Variants in EFHB observed in about 807,000 individuals in gnomAD.
The protein encoded by EFHB is EF-hand domain family member B.
A neutral mutation model predicts 87.2 loss-of-function variants in EFHB; 91 were observed. The observed-to-expected ratio is 1.04, with a 90% CI of 0.88 to 1.24. The LOEUF (loss-of-function observed/expected upper bound fraction) is 1.24. Among genes scored for constraint, EFHB ranks in the 50% most tolerant of loss-of-function variants. The pLI is 0.00. For missense variants in EFHB, 1,084 were observed against 998.8 expected, an observed-to-expected ratio of 1.09 and a Z score of -1.15; for synonymous variants, 325 against 333.6, an observed-to-expected ratio of 0.97 and a Z score of 0.28.
chr3:19,899,279 C>A (rs769756358), intron 7 of EFHB, among the ~76,000 whole-genome samples, 153 bp downstream of exon 7: 2 of 152,172 alleles, frequency 1.3e-5, no homozygotes, highest in Non-Finnish European at 2.9e-5. Context: ...ATCCCAAATT[C>A]TATAGATATT....
intron 1 of EFHB, among the ~76,000 whole-genome samples, chr3:19,924,447 C>G (rs139419469): frequency 2.0e-5 from 3 of 152,088 alleles, no homozygotes; most frequent in Non-Finnish European, 4.4e-5. Flanking sequence ...CTCCTGACCT[C>G]GTGATCCTCC....
intron 1 of EFHB, among the ~76,000 whole-genome samples, chr3:19,925,297 G>A (rs920715412): frequency 8.0e-5 from 12 of 149,824 alleles, no homozygotes; most frequent in East Asian, 3.9e-4. Context: ...AAACACCCCC[G>A]CACACTTGCA....
chr3:19,908,602 A>AGAGAGAGAGAGAGAGAGAGAGAGAGAG (rs1559459816), intron 5 of EFHB, among the ~76,000 whole-genome samples: 18 of 77,364 alleles, frequency 2.3e-4, no homozygotes, highest in African/African-American at 3.5e-4. Flanking sequence ...GAGAGAGAGA[A>AGAGAGAGAGAGAGAGAGAGAGAGAGAG]AGAAAGAAAG....
At chr3:19,904,410 C>T (rs1694771496) in intron 6 of EFHB, among the ~76,000 whole-genome samples, 2 of 152,122 alleles carry the variant, frequency 1.3e-5, no homozygotes, top group Admixed American at 6.5e-5. Context: ...TGCTATGTTG[C>T]CCAGGCTGGC....
At chr3:19,934,455 C>CCT (rs1325216463), upstream of EFHB, among the ~76,000 whole-genome samples, 1 of 149,648 alleles carries the variant, frequency 6.7e-6, no homozygotes, top group East Asian at 2.1e-4. Context: ...CTCTCCCTCT[C>CCT]TGTGTGTCTC....
upstream of EFHB, among the ~76,000 whole-genome samples, chr3:19,934,702 T>C (rs920783414): frequency 2.6e-5 from 4 of 152,158 alleles, no homozygotes; most frequent in Admixed American, 6.6e-5. Context: ...TTAATGTTGG[T>C]GATGATGAAC....
In EFHB at chr3:19,933,890, G is replaced by C. The variant is rs777235581; in HGVS notation, c.129C>G (p.Cys43Trp). ...RVGLGKEDSRCGESPVVSNKC... is the reference protein window; with the variant it reads ...RVGLGKEDSRWGESPVVSNKC... ...TATTACTAACCACAGGGCTCTCCCC[G>C]CATCGGGAATCTTCTTTTCCTAATC... The change falls in exon 1 of 13, where the codon TGC becomes TGG. Residue 43 changes from cysteine (C) to tryptophan (W), a missense_variant. Physicochemically the swap from Cys to Trp is radical, Grantham distance 215. Transcript: ENST00000295824. 1 of 1,613,764 alleles carries C rather than the reference G, an allele frequency of 6.2e-7. No homozygotes were observed. Among genetic ancestry groups the C allele is most frequent in the South Asian group, 1.1e-5 (1 of 91,050 alleles).
At chr3:19,883,379 G>A (rs141248369) in intron 11 of EFHB, among the ~76,000 whole-genome samples, 4 of 152,118 alleles carry the variant, frequency 2.6e-5, no homozygotes, top group African/African-American at 7.2e-5. Flanking sequence ...ACAGTCTAAC[G>A]AGAGTAACAA....
intron 9 of EFHB, among the ~76,000 whole-genome samples, chr3:19,889,892 C>T (rs934229106): frequency 5.3e-5 from 8 of 152,288 alleles, no homozygotes; most frequent in Admixed American, 4.6e-4. Flanking sequence ...GAGGCTGAGG[C>T]AGGAGAATCG....
At chr3:19,946,379 A>G (rs1471445379) in intron 1 of EFHB, 1 of 152,278 alleles carries the variant, frequency 6.6e-6, no homozygotes. Context: ...ACGATTAACA[A>G]GTTAGTTTCA....
At chr3:19,926,531 T>C (rs1175808031) in intron 1 of EFHB, among the ~76,000 whole-genome samples, 1 of 149,448 alleles carries the variant, frequency 6.7e-6, no homozygotes, top group East Asian at 2.0e-4. Context: ...ACCTGGCTAA[T>C]TTTTTGTATT....
intron 5 of EFHB, among the ~76,000 whole-genome samples, chr3:19,908,113 T>G (rs999696812): frequency 1.3e-5 from 2 of 152,126 alleles, no homozygotes; most frequent in Non-Finnish European, 2.9e-5. Context: ...ATGTAGATAC[T>G]GACATGAAAA....
chr3:19,926,265 C>T (rs1039161538), intron 1 of EFHB, among the ~76,000 whole-genome samples: 1 of 152,108 alleles, frequency 6.6e-6, no homozygotes, highest in African/African-American at 2.4e-5. Flanking sequence ...TCCTTGAATG[C>T]AGGTAGTATG....
upstream of EFHB, among the ~76,000 whole-genome samples, chr3:19,938,887 T>C (rs554360816): frequency 6.6e-6 from 1 of 152,242 alleles, no homozygotes; most frequent in African/African-American, 2.4e-5. Context: ...CACACTGGGC[T>C]ATTTTATGAC....
intron 10 of EFHB, among the ~76,000 whole-genome samples, chr3:19,884,915 T>TA (rs1306907125): frequency 0.1 from 14,235 of 139,474 alleles, 828 homozygotes; most frequent in Middle Eastern, 0.15. Flanking sequence ...TTTCTTTTCT[T>TA]AAAAAAAAAA....
intron 5 of EFHB, among the ~76,000 whole-genome samples, chr3:19,907,400 A>C (rs1694875509): frequency 6.6e-6 from 1 of 152,202 alleles, no homozygotes; most frequent in Non-Finnish European, 1.5e-5. Flanking sequence ...TGGGAAAAAG[A>C]GATATCAATG....
chr3:19,883,412 T>G (rs2071730584), intron 11 of EFHB, among the ~76,000 whole-genome samples: 2 of 152,234 alleles, frequency 1.3e-5, no homozygotes, highest in Non-Finnish European at 2.9e-5. Context: ...CTAGAATGTA[T>G]AGCATGTCTA....
intron 6 of EFHB, among the ~76,000 whole-genome samples, chr3:19,902,480 A>C (rs1694705866): frequency 6.6e-6 from 1 of 151,942 alleles, no homozygotes; most frequent in South Asian, 2.1e-4. Context: ...TCAGCCTCCC[A>C]AGTAGCTGGG....
intron 5 of EFHB, among the ~76,000 whole-genome samples, chr3:19,909,938 G>A (rs1694999016): frequency 6.6e-6 from 1 of 152,084 alleles, no homozygotes; most frequent in Non-Finnish European, 1.5e-5. Flanking sequence ...TGAATAACCA[G>A]CTGCAGTTAT....
Sources: allele counts gnomAD v4.1 joint callset (sites outside exome capture counted in the v4.1 genomes callset), GRCh38; gene constraint gnomAD v4.1.1; transcripts MANE v1.5; gene names NCBI Gene and HGNC (gene_info 2026-07-23, HGNC 2026-07-21).